The following CLPB variants were observed in gnomAD, a reference collection of about 807,000 sequenced individuals.
CLPB encodes mitochondrial disaggregase.
A neutral mutation model predicts 78.4 loss-of-function variants in CLPB; 40 were observed. That is an observed-to-expected ratio of 0.51 (90% CI 0.40 to 0.66). The LOEUF (loss-of-function observed/expected upper bound fraction) is 0.66, where lower values mean the gene tolerates loss of function less well. Ranked by LOEUF, CLPB falls within the 30% of genes least tolerant of loss-of-function variation. The pLI is 0.00. For synonymous variants in CLPB, 333 were observed against 348.0 expected (o/e 0.96, Z 0.48); for missense variants, 780 against 886.9 (o/e 0.88, Z 1.53).
intron 3 of CLPB, among the ~76,000 whole-genome samples, chr11:72,382,116 C>A (rs1407640471): frequency 1.3e-5 from 2 of 152,088 alleles, no homozygotes; most frequent in African/African-American, 4.8e-5. Context: ...CCAGCCCAGG[C>A]TCCAGGCCAG....
chr11:72,359,962 C>T (rs1249303353), intron 4 of CLPB, among the ~76,000 whole-genome samples: 3 of 152,090 alleles, frequency 2.0e-5, no homozygotes, highest in South Asian at 2.1e-4. Context: ...CTCCACACAC[C>T]CTGTTTACCC....
At chr11:72,315,269 T>C (rs574433353) in intron 7 of CLPB, among the ~76,000 whole-genome samples, 2 of 152,290 alleles carry the variant, frequency 1.3e-5, no homozygotes, top group Admixed American at 6.5e-5. Flanking sequence ...GTTCTGTATG[T>C]GCTGAATAGA....
intron 5 of CLPB, among the ~76,000 whole-genome samples, chr11:72,331,064 T>C (rs1260329356): frequency 1.3e-5 from 2 of 152,058 alleles, no homozygotes; most frequent in Non-Finnish European, 2.9e-5. Flanking sequence ...AAAATTTTTT[T>C]ATTAAAATTT....
chr11:72,330,446 CAAG>C (rs1208934270), intron 5 of CLPB, among the ~76,000 whole-genome samples: 1 of 152,174 alleles, frequency 6.6e-6, no homozygotes, highest in Admixed American at 6.5e-5. Context: ...TTGAGTATGA[CAAG>C]AAGAAGGGGT....
chr11:72,337,093 A>G (rs1349181764), intron 5 of CLPB: 5 of 398,532 alleles, frequency 1.3e-5, no homozygotes, highest in South Asian at 1.3e-4. Context: ...GGGCTACTCA[A>G]GTCAGAGCCA....
At chr11:72,415,233 A>G (rs1477227904) in intron 2 of CLPB, among the ~76,000 whole-genome samples, 1 of 152,146 alleles carries the variant, frequency 6.6e-6, no homozygotes. Context: ...AGAAAAAGAA[A>G]GATTACAAGG....
chr11:72,431,311 GATTCATAGCCAGCCCT>G (rs1302370521), intron 1 of CLPB, among the ~76,000 whole-genome samples: 6 of 152,202 alleles, frequency 3.9e-5, no homozygotes, highest in African/African-American at 1.4e-4. Flanking sequence ...GCAGTGGGCG[GATTCATAGCCAGCCCT>G]GACTCAGGGA....
chr11:72,302,053 C>T (rs1949665774), intron 10 of CLPB, 89 bp from the exon 11 acceptor site: 1 of 1,443,472 alleles, frequency 6.9e-7, no homozygotes, highest in South Asian at 1.3e-5. Context: ...ACTTTATACG[C>T]TATTAAGGTT....
chr11:72,359,726 C>T (rs1950797082), intron 4 of CLPB, among the ~76,000 whole-genome samples: 1 of 151,950 alleles, frequency 6.6e-6, no homozygotes, highest in African/African-American at 2.4e-5. Flanking sequence ...TGTGTGTATC[C>T]CCTATAAAAT....
chr11:72,370,318 GAC>G (rs150619757), intron 4 of CLPB, among the ~76,000 whole-genome samples: 19 of 150,898 alleles, frequency 1.3e-4, no homozygotes, highest in Middle Eastern at 3.4e-3. Context: ...CTAGGACACA[GAC>G]ACACACACAC....
At chr11:72,329,284 G>A (rs1168592577) in intron 6 of CLPB, among the ~76,000 whole-genome samples, 1 of 152,130 alleles carries the variant, frequency 6.6e-6, no homozygotes, top group African/African-American at 2.4e-5. Flanking sequence ...TAGAAAGAAT[G>A]ATGATAAGAA....
intron 3 of CLPB, among the ~76,000 whole-genome samples, chr11:72,390,086 T>G (rs2135043346): frequency 6.6e-6 from 1 of 152,274 alleles, no homozygotes; most frequent in Middle Eastern, 3.4e-3. Context: ...TTCAGGTAGT[T>G]AATAGTCTGT....
chr11:72,321,758 G>A (rs1950047913), intron 6 of CLPB, among the ~76,000 whole-genome samples: 1 of 152,196 alleles, frequency 6.6e-6, no homozygotes, highest in East Asian at 1.9e-4. Flanking sequence ...GAGAGGCCAA[G>A]CTGCAGTTTG....
chr11:72,302,376 C>A lies in CLPB; in HGVS notation c.1123-28G>T, dbSNP rs199963812. 6.8e-6 allele frequency: 11 copies of A among 1,612,280 alleles called. 1 individual carries two copies. In the Admixed American group the frequency reaches 1.7e-4, roughly 24 times the overall value. The stretch of plus-strand genomic sequence containing the variant: ...GTGTGGAAACAAGCAAGTACCAACT[C>A]CGTTTGGAGGCAGGAAAGTGAAGAG... On this transcript the variant is annotated intron_variant, in intron 9 of 15. Coordinates refer to ENST00000538039, the MANE Select transcript of CLPB (RefSeq NM_001258392.3).
intron 5 of CLPB, among the ~76,000 whole-genome samples, chr11:72,345,563 G>A (rs965725216): frequency 3.0e-4 from 45 of 152,162 alleles, no homozygotes; most frequent in African/African-American, 1.1e-3. Context: ...TCACTGAGAG[G>A]GACAGAAGCA....
At chr11:72,339,521 C>T (rs1463729542) in intron 5 of CLPB, among the ~76,000 whole-genome samples, 2 of 152,198 alleles carry the variant, frequency 1.3e-5, no homozygotes, top group Non-Finnish European at 2.9e-5. Context: ...AGTTCTCCAG[C>T]ACTGAAAGTG....
At chr11:72,416,085 CA>C (rs955991585) in intron 2 of CLPB, among the ~76,000 whole-genome samples, 2 of 152,244 alleles carry the variant, frequency 1.3e-5, no homozygotes, top group African/African-American at 4.8e-5. Context: ...AGGGAGCTAA[CA>C]CATAATGACA....
At position 72,430,304 on chromosome 11, in the gene CLPB, C is replaced by G. The variant is rs200993434; in HGVS notation, c.455+8G>C. 8.9e-5 allele frequency: 143 copies of G among 1,612,474 alleles called. No homozygotes were observed. The African/African-American group carries it at 1.7e-3, about 20-fold the overall frequency. On this transcript the variant is annotated splice_region_variant and intron_variant, in intron 2 of 15. Coordinates refer to ENST00000538039, the MANE Select transcript of CLPB (RefSeq NM_001258392.3). ...GTAGGGGAGAGCAAGGCCTGGGGTTCAACTCACCTGCTGACTTCTTGCATA... is the reference window on the plus strand; with the variant it reads ...GTAGGGGAGAGCAAGGCCTGGGGTTGAACTCACCTGCTGACTTCTTGCATA...
chr11:72,339,643 T>C (rs1393801746), intron 5 of CLPB, among the ~76,000 whole-genome samples: 1 of 152,244 alleles, frequency 6.6e-6, no homozygotes, highest in Non-Finnish European at 1.5e-5. Flanking sequence ...TTGAGTCTTC[T>C]ATGTGTTTGG....
Sources: gnomAD v4.1 joint callset for allele counts (sites outside exome capture counted in the v4.1 genomes callset) on GRCh38, gnomAD v4.1.1 for gene constraint, MANE v1.5 for transcripts, NCBI Gene and HGNC (gene_info 2026-07-23, HGNC 2026-07-21) for gene names.